The following PAXIP1 variants were observed in gnomAD, a reference collection of about 807,000 sequenced individuals.
The protein encoded by PAXIP1 is PAX-interacting protein 1.
In PAXIP1, 19 loss-of-function variants were observed where a neutral mutation model predicts 140.6. The observed-to-expected ratio is 0.14, with a 90% confidence interval of 0.09 to 0.20. PAXIP1 has a LOEUF of 0.20. PAXIP1 is among the 10% of genes least tolerant of loss of function. The probability of loss-of-function intolerance (pLI) is 1.00; values close to 1 mark genes in which losing one functional copy is unlikely to be tolerated. For synonymous variants in PAXIP1, 442 were observed against 444.6 expected (o/e 0.99, Z 0.07); for missense variants, 920 against 1,208.6 (o/e 0.76, Z 3.54).
chr7:154,981,817 T>C (rs1449056433), intron 5 of PAXIP1, among the ~76,000 whole-genome samples: 2 of 152,178 alleles, frequency 1.3e-5, no homozygotes, highest in African/African-American at 4.8e-5. Flanking sequence ...TTTTTAGCTA[T>C]ACACTTAAAA....
In PAXIP1 at chr7:154,975,847, A is replaced by C; in HGVS notation, c.923T>G (p.Val308Gly). ...PVPGNILPPE[V>G]RGNLMAAGQN... ...TCCAGCAGCCATTAAATTACCCCGG[A>C]CCTCAGGGGGCAAAATGTTACCTGG... Residue 308 changes from valine (V) to glycine (G), a missense_variant, in exon 6 of 21, where the codon GTC becomes GGC. This residue lies in a region of PAXIP1 where 419 missense variants were observed against 514.7 expected (regional missense o/e 0.81). Transcript: ENST00000404141. 1.2e-6 allele frequency: 2 copies of C among 1,613,910 alleles called. No homozygotes were observed. Among genetic ancestry groups the C allele is most frequent in the Non-Finnish European group, 1.7e-6 (2 of 1,179,884 alleles).
intron 8 of PAXIP1, chr7:154,964,047 C>A: frequency 2.7e-6 from 1 of 375,152 alleles, no homozygotes; most frequent in Admixed American, 3.8e-5. Flanking sequence ...GTAACTGCCA[C>A]TCTGGACCAG....
intron 4 of PAXIP1, among the ~76,000 whole-genome samples, chr7:154,989,066 C>T (rs1338844573): frequency 6.6e-6 from 1 of 152,008 alleles, no homozygotes; most frequent in Non-Finnish European, 1.5e-5. Context: ...ATACAAATAC[C>T]AACAAAATTC....
At chr7:154,947,697 G>T in intron 17 of PAXIP1, 1 of 507,470 alleles carries the variant, frequency 2.0e-6, no homozygotes. Flanking sequence ...TTATAGTAAA[G>T]AAAAGTTCTC....
chr7:154,972,925 C>A (rs1349882409), intron 6 of PAXIP1, among the ~76,000 whole-genome samples: 1 of 152,230 alleles, frequency 6.6e-6, no homozygotes, highest in Non-Finnish European at 1.5e-5. Context: ...GTCATGACAT[C>A]CTCTGGCTCT....
intron 20 of PAXIP1, chr7:154,945,323 G>A (rs1156978574): frequency 5.7e-6 from 1 of 176,758 alleles, no homozygotes; most frequent in Non-Finnish European, 1.1e-5. Flanking sequence ...GTGATATCAA[G>A]GTCTTCTGTC....
chr7:154,962,216 C>T, intron 10 of PAXIP1, 105 bp downstream of exon 10: 2 of 1,234,606 alleles, frequency 1.6e-6, no homozygotes. Flanking sequence ...TAGAGAAGCT[C>T]TGACTCAGAA....
intron 6 of PAXIP1, among the ~76,000 whole-genome samples, chr7:154,970,467 G>A (rs917432052): frequency 6.6e-6 from 1 of 152,238 alleles, no homozygotes; most frequent in South Asian, 2.1e-4. Flanking sequence ...ATCACCTTAT[G>A]TATGAGACAT....
At chr7:154,997,735 T>C (rs1397898333) in intron 2 of PAXIP1, among the ~76,000 whole-genome samples, 1 of 152,200 alleles carries the variant, frequency 6.6e-6, no homozygotes, top group Non-Finnish European at 1.5e-5. Context: ...CTGCAATAAA[T>C]TACCCATAGG....
At chr7:154,958,613 G>A (rs1299067932) in intron 13 of PAXIP1, among the ~76,000 whole-genome samples, 1 of 152,076 alleles carries the variant, frequency 6.6e-6, no homozygotes, top group East Asian at 1.9e-4. Context: ...TCCAAAGATC[G>A]CATTTAAGTC....
chr7:154,999,568 G>A (rs1302264924), intron 1 of PAXIP1, among the ~76,000 whole-genome samples: 1 of 152,224 alleles, frequency 6.6e-6, no homozygotes, highest in East Asian at 1.9e-4. Flanking sequence ...GGAGGAAGAT[G>A]TGAGAGAATC....
intron 13 of PAXIP1, among the ~76,000 whole-genome samples, chr7:154,957,973 CA>C (rs35027196): frequency 0.046 from 4,199 of 91,654 alleles, 95 homozygotes; most frequent in African/African-American, 0.14. Flanking sequence ...GACTCCGTCT[CA>C]AAAAAAAAAA....
chr7:154,973,824 G>A lies in PAXIP1; in HGVS notation c.1074+1872C>T, dbSNP rs1373943751. Among the ~76,000 whole-genome samples, 2 of 152,180 alleles carry A rather than the reference G, an allele frequency of 1.3e-5. No homozygotes were observed. Among genetic ancestry groups the A allele is most frequent in the African/African-American group, 4.8e-5 (2 of 41,442 alleles). ...AGTGGATGTGGAGAATACTGGATCC[G>A]GCTTCAGGTTGTTCCTATATGCTAC... On this transcript the variant is annotated intron_variant, in intron 6 of 20. Coordinates refer to ENST00000404141, the MANE Select transcript of PAXIP1 (RefSeq NM_007349.4). The surrounding 1 kb of genome is among the most constrained non-coding windows in gnomAD (Gnocchi z 4.0).
chr7:154,974,867 A>G (rs1324112256), intron 6 of PAXIP1, among the ~76,000 whole-genome samples: 2 of 151,968 alleles, frequency 1.3e-5, no homozygotes, highest in Non-Finnish European at 2.9e-5. Flanking sequence ...TTTTAAGGCC[A>G]TGCGTGGTGG....
intron 5 of PAXIP1, among the ~76,000 whole-genome samples, chr7:154,977,226 T>C (rs1342858831): frequency 6.6e-6 from 1 of 151,946 alleles, no homozygotes; most frequent in East Asian, 1.9e-4. Flanking sequence ...AAAGAGGAAA[T>C]AAATAAAAAA....
rs1238041191 is a variant in PAXIP1, at chr7:154,989,542, C to T, written c.324+1464G>A. Among the ~76,000 whole-genome samples the T allele has an allele frequency of 2.0e-5, 3 of 152,176 alleles. No homozygotes were observed. The East Asian group carries it at 5.8e-4, about 29-fold the overall frequency. On this transcript the variant is annotated intron_variant, in intron 4 of 20. Transcript: ENST00000404141. The stretch of plus-strand genomic sequence containing the variant: ...TGGGACATCCTACAGTGCACTTTCA[C>T]CTTCCTAAGGACCACTAATTTTAAA...
chr7:154,993,592 T>C (rs1017318592), intron 3 of PAXIP1, 134 bp downstream of exon 3: 5 of 693,696 alleles, frequency 7.2e-6, no homozygotes, highest in Non-Finnish European at 1.2e-5. Flanking sequence ...TGGAAAATAG[T>C]AGGAATATAA....
chr7:154,995,300 C>T (rs1585086931), intron 2 of PAXIP1, among the ~76,000 whole-genome samples: 1 of 152,320 alleles, frequency 6.6e-6, no homozygotes, highest in East Asian at 1.9e-4. Flanking sequence ...TGTTATCTAT[C>T]ACCTTACAAC....
intron 1 of PAXIP1, among the ~76,000 whole-genome samples, chr7:154,999,662 C>T (rs1810796819): frequency 6.6e-6 from 1 of 152,172 alleles, no homozygotes; most frequent in Admixed American, 6.5e-5. Flanking sequence ...CACTGAGGAA[C>T]ACATCAGAAG....
Sources: gnomAD v4.1 joint callset for allele counts (sites outside exome capture counted in the v4.1 genomes callset) on GRCh38, gnomAD v4.1.1 for gene constraint, gnomAD v4.1.1 regional missense constraint, Gnocchi (gnomAD v3.1) non-coding constraint, MANE v1.5 for transcripts, NCBI Gene and HGNC (gene_info 2026-07-23, HGNC 2026-07-21) for gene names.